PLA2G4E: variants seen among roughly 807,000 people sequenced by gnomAD.
PLA2G4E encodes cytosolic phospholipase A2 epsilon.
Under a neutral mutation model 109.1 loss-of-function variants are expected in PLA2G4E, and 84 were observed. That is an observed-to-expected ratio of 0.77 (90% CI 0.65 to 0.92). The LOEUF (loss-of-function observed/expected upper bound fraction) is 0.92, where lower values mean the gene tolerates loss of function less well. PLA2G4E is among the 40% of genes least tolerant of loss of function. PLA2G4E has a pLI of 0.00. For synonymous variants in PLA2G4E, 469 were observed against 436.1 expected (o/e 1.08, Z -0.94); for missense variants, 1,057 against 1,076.6 (o/e 0.98, Z 0.25).
intron 6 of PLA2G4E, among the ~76,000 whole-genome samples, chr15:42,001,684 C>T (rs1243574828): frequency 6.6e-6 from 1 of 152,176 alleles, no homozygotes; most frequent in Non-Finnish European, 1.5e-5. Flanking sequence ...GCTGTACCAA[C>T]AGCCGAAATA....
At chr15:41,990,197 C>G in exon 14 of PLA2G4E, 2 of 1,613,700 alleles carry the variant, frequency 1.2e-6, no homozygotes, top group Non-Finnish European at 1.7e-6. Context: ...GGCCGCAGCT[C>G]AAAGCAGCAC....
Position 42,024,996 on chromosome 15 carries a change from C to T in PLA2G4E, c.184-11239G>A, listed in dbSNP as rs575352858. On this transcript the variant is annotated intron_variant, in intron 1 of 19. Transcript: ENST00000399518. ...TGGGTGGATCACGAGGTCAGGAGAT[C>T]GAGACCATCCTGGCTAACACAGTGA... 1.5e-3 allele frequency among the ~76,000 whole-genome samples: 228 copies of T among 152,044 alleles called. 1 individual carries two copies. The highest frequency in any genetic ancestry group is 2.1e-3 in the Non-Finnish European group (144 of 67,976).
At chr15:42,039,910 A>C (rs1163908418) in intron 1 of PLA2G4E, among the ~76,000 whole-genome samples, 1 of 152,236 alleles carries the variant, frequency 6.6e-6, no homozygotes, top group Non-Finnish European at 1.5e-5. Flanking sequence ...TTCCAACCAG[A>C]AGTTTTGGGG....
chr15:41,995,865 G>A (rs1012889043), intron 11 of PLA2G4E, among the ~76,000 whole-genome samples: 9 of 152,196 alleles, frequency 5.9e-5, no homozygotes, highest in African/African-American at 1.9e-4. Context: ...ACTAATGTGC[G>A]ATCCCTCAAT....
At chr15:42,026,609 G>A (rs2068694922) in intron 1 of PLA2G4E, among the ~76,000 whole-genome samples, 1 of 152,252 alleles carries the variant, frequency 6.6e-6, no homozygotes, top group Admixed American at 6.5e-5. Flanking sequence ...TATCAGGTCA[G>A]TGAGGACACT....
chr15:42,034,327 T>C (rs1889169924), intron 1 of PLA2G4E, among the ~76,000 whole-genome samples: 1 of 152,256 alleles, frequency 6.6e-6, no homozygotes, highest in South Asian at 2.1e-4. Context: ...ATAATTTGAT[T>C]ACTTTCTGAT....
rs536884405 is a variant in PLA2G4E at position 42,029,476 on chromosome 15, T to C, written c.184-15719A>G. 5.1e-4 allele frequency among the ~76,000 whole-genome samples: 78 copies of C among 152,360 alleles called. 3 individuals are homozygous for C. The South Asian group carries it at 0.015, about 30-fold the overall frequency. On this transcript the variant is annotated intron_variant, in intron 1 of 19. Transcript: ENST00000399518. Reference sequence around the variant, plus strand: ...AAAACTTGTGGCCTCTGGTTTCAGCTAGATGCCAGGCTTTATTTCCCTGCT... The same window carrying C: ...AAAACTTGTGGCCTCTGGTTTCAGCCAGATGCCAGGCTTTATTTCCCTGCT...
exon 12 of PLA2G4E, chr15:41,995,408 T>C (rs4924595): frequency 0.063 from 102,239 of 1,613,618 alleles, 4,217 homozygotes; most frequent in East Asian, 0.21. Flanking sequence ...GTCCAGGAGG[T>C]TCAGCTTCTG....
chr15:42,000,712 A>G (rs60333931), intron 7 of PLA2G4E, among the ~76,000 whole-genome samples: 2,585 of 152,146 alleles, frequency 0.017, 76 homozygotes, highest in African/African-American at 0.059. Flanking sequence ...GGAGTAGGGT[A>G]GGGGTATGGT....
At chr15:41,983,783 T>G (rs1453439609) in exon 20 of PLA2G4E, 7 of 1,602,384 alleles carry the variant, frequency 4.4e-6, no homozygotes, top group East Asian at 2.2e-5. Context: ...TTCAGGCGCT[T>G]CTTCTTCTCC....
intron 1 of PLA2G4E, among the ~76,000 whole-genome samples, chr15:42,039,858 T>C (rs1436637831): frequency 6.6e-6 from 1 of 152,192 alleles, no homozygotes; most frequent in East Asian, 1.9e-4. Context: ...GATCAATTCT[T>C]CCTAAATTGA....
chr15:41,999,184 T>A (rs1055205057), intron 10 of PLA2G4E: 1 of 195,316 alleles, frequency 5.1e-6, no homozygotes, highest in Non-Finnish European at 1.0e-5. Flanking sequence ...AAAAGTAAAG[T>A]CCTTTGTGCT....
intron 11 of PLA2G4E, 87 bp from the exon 12 acceptor site, chr15:41,995,583 A>C: frequency 6.5e-7 from 1 of 1,543,638 alleles, no homozygotes; most frequent in Non-Finnish European, 8.8e-7. Context: ...CTTTGAAAGA[A>C]CAATGGAGGA....
intron 1 of PLA2G4E, among the ~76,000 whole-genome samples, chr15:42,018,301 C>T (rs1443845366): frequency 6.6e-6 from 1 of 152,194 alleles, no homozygotes; most frequent in African/African-American, 2.4e-5. Context: ...ACCAGGGAGG[C>T]TGTGGAACCC....
chr15:42,000,185 T>A, exon 8 of PLA2G4E: 3 of 1,594,974 alleles, frequency 1.9e-6, no homozygotes, highest in Non-Finnish European at 2.6e-6. Flanking sequence ...AGGCAGCGGT[T>A]TGGAAGCAGG....
At chr15:41,996,828 G>T (rs944674785) in intron 11 of PLA2G4E, among the ~76,000 whole-genome samples, 2 of 152,206 alleles carry the variant, frequency 1.3e-5, no homozygotes, top group Non-Finnish European at 2.9e-5. Flanking sequence ...TCCTGGCTGG[G>T]GTGAGGAGGG....
At chr15:41,996,976 C>T in intron 11 of PLA2G4E, 148 bp downstream of exon 11, 2 of 1,037,546 alleles carry the variant, frequency 1.9e-6, no homozygotes, top group Non-Finnish European at 2.7e-6. Context: ...TCACTTCCAG[C>T]ACAGCTCTCA....
At chr15:42,016,451 C>G (rs1460317798) in intron 1 of PLA2G4E, among the ~76,000 whole-genome samples, 2 of 152,038 alleles carry the variant, frequency 1.3e-5, no homozygotes, top group Non-Finnish European at 2.9e-5. Flanking sequence ...AATTCTCCCT[C>G]CTCAGTCTCC....
At chr15:42,004,696 T>C (rs1331889593) in intron 5 of PLA2G4E, among the ~76,000 whole-genome samples, 2 of 152,152 alleles carry the variant, frequency 1.3e-5, no homozygotes, top group African/African-American at 2.4e-5. Context: ...GCCAGAGTAC[T>C]AGATCTTTAA....
Sources: gnomAD v4.1 joint callset for allele counts (sites outside exome capture counted in the v4.1 genomes callset) on GRCh38, gnomAD v4.1.1 for gene constraint, MANE v1.5 for transcripts, NCBI Gene and HGNC (gene_info 2026-07-23, HGNC 2026-07-21) for gene names.